The following MALT1 variants were observed in gnomAD, a reference collection of about 807,000 sequenced individuals.
MALT1 encodes the protein MALT1 paracaspase, also known as mucosa-associated lymphoid tissue lymphoma translocation protein 1.
A neutral mutation model predicts 85.5 loss-of-function variants in MALT1; 36 were observed. The ratio of observed to expected loss-of-function variants is 0.42; its 90% CI spans 0.32 to 0.56. The LOEUF is 0.56. Ranked by LOEUF, MALT1 falls within the 20% of genes least tolerant of loss-of-function variation. The pLI is 0.10. For synonymous variants in MALT1, 359 were observed against 361.3 expected (o/e 0.99, Z 0.07); for missense variants, 716 against 981.6 (o/e 0.73, Z 3.62).
intron 10 of MALT1, among the ~76,000 whole-genome samples, chr18:58,723,611 AG>A (rs1206584481): frequency 6.6e-6 from 1 of 152,090 alleles, no homozygotes; most frequent in Non-Finnish European, 1.5e-5. Context: ...GTTTTCTTTG[AG>A]GGGGGTAGCA....
intron 13 of MALT1, 28 bp downstream of exon 13, chr18:58,735,357 C>G: frequency 6.3e-7 from 1 of 1,579,014 alleles, no homozygotes; most frequent in Non-Finnish European, 8.5e-7. Context: ...GAGAAAAGTA[C>G]TCAGAAAAAG....
At chr18:58,683,288 G>A (rs947156270) in intron 2 of MALT1, among the ~76,000 whole-genome samples, 2 of 152,006 alleles carry the variant, frequency 1.3e-5, no homozygotes, top group African/African-American at 4.8e-5. Context: ...AACCTTTCTG[G>A]GAAGTAAATA....
chr18:58,672,092 C>T (rs549390447), intron 1 of MALT1: 2 of 338,134 alleles, frequency 5.9e-6, no homozygotes, highest in East Asian at 9.0e-5. Context: ...CCAGCGGCTG[C>T]CTCGCTCCCT....
At chr18:58,743,708 A>G (rs893738291) in intron 14 of MALT1, among the ~76,000 whole-genome samples, 2 of 152,316 alleles carry the variant, frequency 1.3e-5, no homozygotes, top group African/African-American at 4.8e-5. Context: ...AATTTTTTAA[A>G]TGGCTAATGT....
At chr18:58,708,202 T>C (rs1312960711) in intron 4 of MALT1, among the ~76,000 whole-genome samples, 1 of 152,190 alleles carries the variant, frequency 6.6e-6, no homozygotes, top group African/African-American at 2.4e-5. Context: ...ACTTCACAGG[T>C]GATCTTTTAG....
chr18:58,738,254 C>CTTT (rs1424897594), intron 13 of MALT1, among the ~76,000 whole-genome samples: 2 of 152,198 alleles, frequency 1.3e-5, no homozygotes, highest in African/African-American at 4.8e-5. Context: ...TCTATGTAGT[C>CTTT]TTTTGGGACT....
In MALT1 at chr18:58,671,465, A is replaced by T. The variant is rs890214153; in HGVS notation, c.-179A>T. The T allele has an allele frequency of 2.5e-6, 1 of 401,750 alleles. No homozygotes were observed. Among genetic ancestry groups the T allele is most frequent in the Non-Finnish European group, 4.2e-6 (1 of 240,850 alleles). The allele number at this position is 401,750 out of a possible 1,614,324, so 24.9% of individuals were successfully genotyped here. A position where few individuals can be genotyped will look rare whatever the true frequency, so the allele number is the denominator to read the frequency against. On this transcript the variant is annotated 5_prime_UTR_variant, in exon 1 of 17. Coordinates refer to ENST00000649217, the MANE Select transcript of MALT1 (RefSeq NM_006785.4). ...GCCAGCAGGCCAGGCTCCCCTCGGC[A>T]AACCTGTCTAATTGGGGCGGGGAGC...
intron 1 of MALT1, among the ~76,000 whole-genome samples, chr18:58,680,430 A>T (rs367738366): frequency 6.6e-6 from 1 of 152,166 alleles, no homozygotes; most frequent in Admixed American, 6.5e-5. Context: ...ATTTATTTAA[A>T]CTAGTAATTA....
intron 2 of MALT1, among the ~76,000 whole-genome samples, chr18:58,688,065 T>G (rs1157010716): frequency 6.6e-6 from 1 of 152,180 alleles, no homozygotes; most frequent in East Asian, 1.9e-4. Flanking sequence ...CTATACCATA[T>G]TCTTTTTTTA....
chr18:58,671,714 C>A lies in MALT1; in HGVS notation c.71C>A (p.Pro24His). The A allele has an allele frequency of 1.6e-6, 2 of 1,275,764 alleles. No individual in the cohort carries two copies. The highest frequency in any genetic ancestry group is 5.2e-5 in the South Asian group (2 of 38,202). The allele number at this position is 1,275,764 out of a possible 1,614,324, so 79.0% of individuals were successfully genotyped here. Residue 24 changes from proline (P) to histidine (H), a missense_variant, in exon 1 of 17, where the codon CCT becomes CAT. Physicochemically the swap from Pro to His is moderately conservative, Grantham distance 77. Around this residue, in one of 4 missense-constraint regions of MALT1, gnomAD observed 80 missense variants for 65.1 expected, o/e 1.23. Coordinates refer to ENST00000649217, the MANE Select transcript of MALT1 (RefSeq NM_006785.4). ...SAAPTGPLLAPPAGATLNRLR... is the reference protein window; with the variant it reads ...SAAPTGPLLAHPAGATLNRLR... ...GCCCCCACGGGGCCGCTGCTCGCCC[C>A]TCCGGCCGGCGCGACCCTCAACCGC...
At chr18:58,709,340 T>C in intron 4 of MALT1, 38 bp from the exon 5 acceptor site, 1 of 1,380,576 alleles carries the variant, frequency 7.2e-7, no homozygotes, top group African/African-American at 1.5e-5. Flanking sequence ...TTATTTTTAT[T>C]TTTAACCTAG....
Position 58,696,399 on chromosome 18 carries a change from C to T in MALT1, c.410C>T (p.Ala137Val). ...IKITVNPESK[A>V]VLAGQFVKLC... ...ATTACTGTAAACCCAGAGTCAAAGG[C>T]AGTCTTGGCTGGACAGTTTGTGAAA... Residue 137 changes from alanine to valine, a missense_variant, in exon 3 of 17, where the codon GCA becomes GTA. By Grantham distance (64) the Ala-to-Val change is moderately conservative. Around this residue, in one of 4 missense-constraint regions of MALT1, gnomAD observed 290 missense variants for 380.5 expected, o/e 0.76. Transcript: ENST00000649217. 1 of 1,522,490 alleles carries T rather than the reference C, an allele frequency of 6.6e-7. No individual in the cohort carries two copies. The highest frequency in any genetic ancestry group is 1.2e-5 in the South Asian group (1 of 80,792). The allele number at this position is 1,522,490 out of a possible 1,614,324, so 94.3% of individuals were successfully genotyped here.
In MALT1 at chr18:58,671,767, A is replaced by G. The variant is rs1602263337; in HGVS notation, c.124A>G (p.Ser42Gly). 1.6e-6 allele frequency: 2 copies of G among 1,265,290 alleles called. No individual in the cohort carries two copies. Among genetic ancestry groups the G allele is most frequent in the South Asian group, 5.5e-5 (2 of 36,172 alleles). 78.4% of individuals were successfully genotyped at this position (1,265,290 alleles called of 1,614,324 possible). ...GCGGGAGCCGCTGCTGCGGAGGCTC[A>G]GCGAGCTCCTGGATCAGGCGCCCGA... ...RLREPLLRRL[S>G]ELLDQAPEGR... is the part of the protein sequence containing the mutation. Residue 42 changes from serine to glycine, a missense_variant, in exon 1 of 17, where the codon AGC becomes GGC. Physicochemically the swap from Ser to Gly is moderately conservative, Grantham distance 56 (BLOSUM62 0). Around this residue, in one of 4 missense-constraint regions of MALT1, gnomAD observed 80 missense variants for 65.1 expected, o/e 1.23. Coordinates refer to ENST00000649217, the MANE Select transcript of MALT1 (RefSeq NM_006785.4).
intron 3 of MALT1, 97 bp downstream of exon 3, chr18:58,696,584 T>C: frequency 2.9e-6 from 3 of 1,018,442 alleles, no homozygotes; most frequent in Non-Finnish European, 4.1e-6. Flanking sequence ...AACAGTTTGG[T>C]AAAAGAGTCT....
intron 13 of MALT1, among the ~76,000 whole-genome samples, chr18:58,738,562 G>T (rs906288076): frequency 6.6e-6 from 1 of 152,098 alleles, no homozygotes; most frequent in Non-Finnish European, 1.5e-5. Flanking sequence ...GAGAGAGAAT[G>T]CCAGACAGTT....
chr18:58,749,420 G>A lies in MALT1; in HGVS notation c.*1578G>A, dbSNP rs529141899. 5.4e-4 allele frequency: 116 copies of A among 215,270 alleles called. No homozygotes were observed. Among genetic ancestry groups the A allele is most frequent in the African/African-American group, 2.0e-3 (90 of 44,416 alleles). The allele number at this position is 215,270 out of a possible 1,614,324, so 13.3% of individuals were successfully genotyped here. The stretch of plus-strand genomic sequence containing the variant: ...ATTCAAACCCCATCCAGCTGGCCCC[G>A]GAGCCAGAGCTTCTTGTACTACACA... On this transcript the variant is annotated 3_prime_UTR_variant, in exon 17 of 17. Coordinates refer to ENST00000649217, the MANE Select transcript of MALT1 (RefSeq NM_006785.4).
intron 13 of MALT1, among the ~76,000 whole-genome samples, chr18:58,739,868 C>T (rs1189256355): frequency 1.3e-5 from 2 of 152,106 alleles, no homozygotes; most frequent in Non-Finnish European, 2.9e-5. Context: ...GTTGGTACTG[C>T]TTCTCTGGAG....
chr18:58,746,847 C>A (rs1330053706), intron 16 of MALT1, among the ~76,000 whole-genome samples: 1 of 152,008 alleles, frequency 6.6e-6, no homozygotes, highest in Non-Finnish European at 1.5e-5. Flanking sequence ...TGTGCCTCAG[C>A]CTCCCGAGTA....
intron 1 of MALT1, among the ~76,000 whole-genome samples, chr18:58,678,648 A>G (rs942943936): frequency 2.0e-5 from 3 of 152,236 alleles, no homozygotes; most frequent in Non-Finnish European, 4.4e-5. Flanking sequence ...GCCCAAATCC[A>G]GGCTGCTACC....
Sources: allele counts gnomAD v4.1 joint callset (sites outside exome capture counted in the v4.1 genomes callset), GRCh38; gene constraint gnomAD v4.1.1; regional missense constraint gnomAD v4.1.1; transcripts MANE v1.5; gene names NCBI Gene and HGNC (gene_info 2026-07-23, HGNC 2026-07-21).